SETD5: variants seen among roughly 807,000 people sequenced by gnomAD.
SETD5 encodes the protein histone-lysine N-methyltransferase SETD5.
A neutral mutation model predicts 153.3 loss-of-function variants in SETD5; 44 were observed. The ratio of observed to expected loss-of-function variants is 0.29; its 90% CI spans 0.23 to 0.37. The LOEUF (loss-of-function observed/expected upper bound fraction) is 0.37, where lower values mean the gene tolerates loss of function less well. Among genes scored for constraint, SETD5 ranks in the 10% least tolerant of loss-of-function variants. The pLI, the probability that SETD5 is intolerant of heterozygous loss-of-function variation, is 1.00. For synonymous variants in SETD5, 716 were observed against 645.2 expected (o/e 1.11, Z -1.66); for missense variants, 1,544 against 1,768.0 (o/e 0.87, Z 2.27).
chr3:9,456,724 C>T (rs2043293610), intron 17 of SETD5, among the ~76,000 whole-genome samples: 1 of 152,102 alleles, frequency 6.6e-6, no homozygotes, highest in Non-Finnish European at 1.5e-5. Flanking sequence ...CCTGTAATCC[C>T]AGCACTTTGG....
chr3:9,428,322 G>A (rs543582212), intron 2 of SETD5, among the ~76,000 whole-genome samples: 3 of 152,246 alleles, frequency 2.0e-5, no homozygotes, highest in East Asian at 3.9e-4. Context: ...TTCCAATCAA[G>A]TATAAACAAC....
At chr3:9,428,109 CAG>C (rs2039531242) in intron 2 of SETD5, among the ~76,000 whole-genome samples, 1 of 152,080 alleles carries the variant, frequency 6.6e-6, no homozygotes, top group Admixed American at 6.6e-5. Flanking sequence ...TCAGGAGATA[CAG>C]AGATTTCCCA....
rs748548673 is a variant in SETD5, at chr3:9,474,595, C to T, written c.3631+13C>T. 4 of 1,612,566 alleles carry T rather than the reference C, an allele frequency of 2.5e-6. No individual in the cohort carries two copies. The highest frequency in any genetic ancestry group is 3.4e-6 in the Non-Finnish European group (4 of 1,179,568). On this transcript the variant is annotated intron_variant, in intron 21 of 22. Coordinates refer to ENST00000402198, the MANE Select transcript of SETD5 (RefSeq NM_001080517.3). ...GAGAAAGACTCAGGTGAGCCCATGG[C>T]CTTCTGCTGCCACCACATTCAGGGA...
At chr3:9,421,501 A>AC in intron 1 of SETD5, among the ~76,000 whole-genome samples, 1 of 152,178 alleles carries the variant, frequency 6.6e-6, no homozygotes, top group East Asian at 1.9e-4. Flanking sequence ...TTGTCATGGT[A>AC]CAGCTACGGT....
chr3:9,454,307 G>T (rs2042955519), intron 17 of SETD5, among the ~76,000 whole-genome samples: 1 of 152,090 alleles, frequency 6.6e-6, no homozygotes, highest in African/African-American at 2.4e-5. Flanking sequence ...AAAGGGGCTT[G>T]TATAATTAGC....
intron 1 of SETD5, among the ~76,000 whole-genome samples, chr3:9,416,514 AT>A (rs2037494047): frequency 6.6e-6 from 1 of 152,084 alleles, no homozygotes; most frequent in Admixed American, 6.6e-5. Context: ...GTTTACAGTG[AT>A]TTTTTTCTTA....
chr3:9,436,713 C>G, intron 7 of SETD5: 1 of 676,376 alleles, frequency 1.5e-6, no homozygotes, highest in Non-Finnish European at 2.5e-6. Context: ...TTGGGGAATT[C>G]CATTGTATTT....
At chr3:9,464,875 A>G (rs952496688) in intron 18 of SETD5, 1 of 652,188 alleles carries the variant, frequency 1.5e-6, no homozygotes. Flanking sequence ...CAAAATAGGC[A>G]TACTGCTACC....
At chr3:9,411,956 TA>T (rs771572623) in intron 1 of SETD5, among the ~76,000 whole-genome samples, 1 of 152,190 alleles carries the variant, frequency 6.6e-6, no homozygotes, top group African/African-American at 2.4e-5. Context: ...AAAAATTTAA[TA>T]AAGAAAGTTT....
intron 1 of SETD5, among the ~76,000 whole-genome samples, chr3:9,400,364 C>A (rs2125400061): frequency 6.6e-6 from 1 of 152,266 alleles, no homozygotes; most frequent in South Asian, 2.1e-4. Context: ...AAGAATCTTT[C>A]TGATAACCAC....
chr3:9,425,452 T>C (rs1489871026), intron 2 of SETD5, among the ~76,000 whole-genome samples: 1 of 152,224 alleles, frequency 6.6e-6, no homozygotes, highest in Admixed American at 6.5e-5. Context: ...TATTCACTCA[T>C]TAAGATGTTA....
intron 1 of SETD5, among the ~76,000 whole-genome samples, chr3:9,411,094 G>A (rs953274552): frequency 1.3e-5 from 2 of 151,958 alleles, no homozygotes; most frequent in African/African-American, 2.4e-5. Context: ...TCACCTTGTT[G>A]TTCAGGCTGG....
chr3:9,464,640 G>A lies in SETD5; in HGVS notation c.2692G>A (p.Ala898Thr), dbSNP rs774430004. 1.5e-5 allele frequency: 24 copies of A among 1,613,824 alleles called. No individual in the cohort carries two copies. Among genetic ancestry groups the A allele is most frequent in the Non-Finnish European group, 1.9e-5 (23 of 1,179,906 alleles). ...MFSPVTSLTT[A>T]SRCNTPLQFE... is the part of the protein sequence containing the mutation. ...TTCACCAGTCACATCTCTTACTACT[G>A]CTAGTCGCTGCAACACTCCTCTACA... Residue 898 changes from alanine to threonine, a missense_variant, in exon 18 of 23, where the codon GCT (alanine) becomes ACT (threonine). Transcript: ENST00000402198.
intron 1 of SETD5, among the ~76,000 whole-genome samples, chr3:9,412,413 TTTTTA>T (rs1222428827): frequency 2.7e-4 from 39 of 143,184 alleles, no homozygotes; most frequent in Admixed American, 1.9e-3. Context: ...TTTTTTTTTT[TTTTTA>T]AAGAGACAAG....
chr3:9,436,719 T>C, intron 7 of SETD5: 2 of 723,250 alleles, frequency 2.8e-6, no homozygotes. Flanking sequence ...AATTCCATTG[T>C]ATTTTTTACC....
At position 9,474,488 on chromosome 3, in the gene SETD5, G is replaced by A. The variant is rs951463948; in HGVS notation, c.3537G>A (p.Gly1179=). Residue 1179 remains glycine (G), a synonymous_variant, in exon 21 of 23, where the codon GGG becomes GGA. Coordinates refer to ENST00000402198, the MANE Select transcript of SETD5 (RefSeq NM_001080517.3). The part of the protein sequence containing the change: ...PTSVERLREG[G]SIPKVLRSSV... ...CAGTAGAACGACTCCGAGAAGGAGG[G>A]AGCATCCCCAAGGTCCTCCGAAGCA... 1.8e-5 allele frequency: 29 copies of A among 1,613,826 alleles called. No individual in the cohort carries two copies. The highest frequency in any genetic ancestry group is 4.0e-5 in the African/African-American group (3 of 74,922).
intron 17 of SETD5, among the ~76,000 whole-genome samples, chr3:9,454,440 G>A: frequency 6.6e-6 from 1 of 151,824 alleles, no homozygotes; most frequent in Non-Finnish European, 1.5e-5. Flanking sequence ...CCAACATGGT[G>A]AAACCCTGTC....
chr3:9,461,668 CATA>C (rs891193474), intron 17 of SETD5, among the ~76,000 whole-genome samples: 2 of 152,162 alleles, frequency 1.3e-5, no homozygotes, highest in East Asian at 1.9e-4. Flanking sequence ...AATACAGTAT[CATA>C]ATAAGTACTC....
chr3:9,416,513 G>A (rs1374262899), intron 1 of SETD5, among the ~76,000 whole-genome samples: 4 of 152,080 alleles, frequency 2.6e-5, no homozygotes, highest in Non-Finnish European at 5.9e-5. Context: ...AGTTTACAGT[G>A]ATTTTTTTCT....
Sources: gnomAD v4.1 joint callset for allele counts (sites outside exome capture counted in the v4.1 genomes callset) on GRCh38, gnomAD v4.1.1 for gene constraint, MANE v1.5 for transcripts, NCBI Gene and HGNC (gene_info 2026-07-23, HGNC 2026-07-21) for gene names.